The following GPC5 variants were observed in gnomAD, a reference collection of about 807,000 sequenced individuals.
GPC5 encodes the protein glypican-5.
A neutral mutation model predicts 53.9 loss-of-function variants in GPC5; 47 were observed. The observed-to-expected ratio is 0.87, with a 90% CI of 0.69 to 1.11. The LOEUF is 1.11. Among genes scored for constraint, GPC5 ranks in the 50% most tolerant of loss-of-function variants. The probability of loss-of-function intolerance (pLI) is 0.00; values close to 1 mark genes in which losing one functional copy is unlikely to be tolerated. For missense variants in GPC5, 748 were observed against 713.1 expected, an observed-to-expected ratio of 1.05 and a Z score of -0.56; for synonymous variants, 286 against 263.3, an observed-to-expected ratio of 1.09 and a Z score of -0.84.
chr13:92,256,602 A>G (rs142216363), intron 7 of GPC5, among the ~76,000 whole-genome samples: 59 of 152,214 alleles, frequency 3.9e-4, no homozygotes, highest in African/African-American at 1.3e-3. Flanking sequence ...TCCAAAATAT[A>G]ACATGCATCT....
intron 6 of GPC5, among the ~76,000 whole-genome samples, chr13:92,093,196 G>C (rs2041394646): frequency 6.6e-6 from 1 of 152,002 alleles, no homozygotes; most frequent in African/African-American, 2.4e-5. Context: ...TATTTCCAGT[G>C]AATATTAAAG....
At chr13:92,845,639 T>C (rs1180932934) in intron 7 of GPC5, among the ~76,000 whole-genome samples, 1 of 151,956 alleles carries the variant, frequency 6.6e-6, no homozygotes, top group African/African-American at 2.4e-5. Flanking sequence ...CCAAAAACAC[T>C]CAGAATAATT....
At chr13:92,218,497 G>T (rs548723326) in intron 7 of GPC5, among the ~76,000 whole-genome samples, 4 of 152,192 alleles carry the variant, frequency 2.6e-5, no homozygotes, top group African/African-American at 9.6e-5. Flanking sequence ...TGCCCTTCAA[G>T]GCTGAAGACT....
At chr13:92,111,607 A>G (rs761685980) in intron 6 of GPC5, among the ~76,000 whole-genome samples, 4 of 152,160 alleles carry the variant, frequency 2.6e-5, no homozygotes, top group Non-Finnish European at 5.9e-5. Flanking sequence ...AACATCAACA[A>G]TGCTATCGCA....
At chr13:91,741,412 A>G (rs1415787634) in intron 4 of GPC5, among the ~76,000 whole-genome samples, 1 of 152,240 alleles carries the variant, frequency 6.6e-6, no homozygotes, top group African/African-American at 2.4e-5. Context: ...GAGGCAGGGC[A>G]TGATTCTCAT....
At chr13:92,395,337 T>A (rs1875218866) in intron 7 of GPC5, among the ~76,000 whole-genome samples, 1 of 152,192 alleles carries the variant, frequency 6.6e-6, no homozygotes, top group Non-Finnish European at 1.5e-5. Context: ...CACCTTCAAA[T>A]AATATGATAA....
At chr13:91,754,921 C>G (rs1024141545) in intron 4 of GPC5, among the ~76,000 whole-genome samples, 1 of 152,106 alleles carries the variant, frequency 6.6e-6, no homozygotes, top group Non-Finnish European at 1.5e-5. Context: ...TATCACTTAT[C>G]TGGTCCATCT....
chr13:91,904,370 A>G (rs2039531761), intron 5 of GPC5, among the ~76,000 whole-genome samples: 1 of 151,786 alleles, frequency 6.6e-6, no homozygotes, highest in Admixed American at 6.6e-5. Flanking sequence ...AAAATCACAC[A>G]TGCCTTCTTA....
chr13:92,668,295 C>T (rs1886638726), intron 7 of GPC5, among the ~76,000 whole-genome samples: 1 of 152,048 alleles, frequency 6.6e-6, no homozygotes, highest in African/African-American at 2.4e-5. Flanking sequence ...AACATATTTT[C>T]CTCTTCCCAT....
intron 2 of GPC5, among the ~76,000 whole-genome samples, chr13:91,603,603 G>A (rs541196182): frequency 1.3e-5 from 2 of 152,288 alleles, no homozygotes; most frequent in African/African-American, 4.8e-5. Flanking sequence ...GTATGTATAG[G>A]TTAATAGGAT....
At chr13:92,557,610 G>T (rs538841069) in intron 7 of GPC5, among the ~76,000 whole-genome samples, 2 of 152,028 alleles carry the variant, frequency 1.3e-5, no homozygotes, top group Non-Finnish European at 2.9e-5. Flanking sequence ...AAAACTCTAT[G>T]TTTTCCTCAT....
At chr13:92,624,088 T>TG (rs1291994670) in intron 7 of GPC5, among the ~76,000 whole-genome samples, 1 of 151,278 alleles carries the variant, frequency 6.6e-6, no homozygotes, top group African/African-American at 2.4e-5. Context: ...TAATTTTTTT[T>TG]TTTTTAGATG....
intron 7 of GPC5, among the ~76,000 whole-genome samples, chr13:92,645,510 A>G (rs113523090): frequency 0.014 from 2,194 of 152,256 alleles, 68 homozygotes; most frequent in African/African-American, 0.05. Context: ...GTAAGTCTTG[A>G]CTTTATATGT....
At chr13:91,975,841 A>G (rs1251544988) in intron 6 of GPC5, among the ~76,000 whole-genome samples, 1 of 152,212 alleles carries the variant, frequency 6.6e-6, no homozygotes, top group Non-Finnish European at 1.5e-5. Flanking sequence ...TTGCGGCACT[A>G]TTCACACTAG....
chr13:91,918,213 A>G (rs553416330), intron 6 of GPC5, among the ~76,000 whole-genome samples: 26 of 152,316 alleles, frequency 1.7e-4, no homozygotes, highest in African/African-American at 5.1e-4. Context: ...CTCACTCACT[A>G]TCACAAGAAC....
chr13:92,109,746 C>T (rs2041541700), intron 6 of GPC5, among the ~76,000 whole-genome samples: 1 of 151,980 alleles, frequency 6.6e-6, no homozygotes. Flanking sequence ...TTTCTTAAAC[C>T]TATTAAATGC....
intron 7 of GPC5, among the ~76,000 whole-genome samples, chr13:92,468,780 A>G (rs1056461389): frequency 2.0e-5 from 3 of 152,122 alleles, no homozygotes; most frequent in African/African-American, 7.2e-5. Flanking sequence ...CCTTGCAATC[A>G]TGCTCTAGCC....
chr13:92,604,012 C>T (rs535664210), intron 7 of GPC5, among the ~76,000 whole-genome samples: 22 of 152,260 alleles, frequency 1.4e-4, no homozygotes, highest in African/African-American at 4.3e-4. Flanking sequence ...AGCTTACCTA[C>T]GTGCTCAAAA....
chr13:92,078,745 G>T (rs765570615), intron 6 of GPC5, among the ~76,000 whole-genome samples: 3 of 152,160 alleles, frequency 2.0e-5, no homozygotes, highest in Admixed American at 6.5e-5. Context: ...TCCCTAGAAA[G>T]ATTATTCTTC....
Sources: gnomAD v4.1 joint callset for allele counts (sites outside exome capture counted in the v4.1 genomes callset) on GRCh38, gnomAD v4.1.1 for gene constraint, MANE v1.5 for transcripts, NCBI Gene and HGNC (gene_info 2026-07-23, HGNC 2026-07-21) for gene names.